CADPS: variants seen among roughly 807,000 people sequenced by gnomAD.
CADPS encodes calcium-dependent secretion activator 1.
In CADPS, 57 loss-of-function variants were observed where a neutral mutation model predicts 167.3. The observed-to-expected ratio is 0.34, with a 90% confidence interval of 0.28 to 0.42. The LOEUF (loss-of-function observed/expected upper bound fraction) is 0.42. CADPS is among the 20% of genes least tolerant of loss of function. The probability of loss-of-function intolerance (pLI) is 1.00; values close to 1 mark genes in which losing one functional copy is unlikely to be tolerated. For synonymous variants in CADPS, 676 were observed against 635.3 expected, an observed-to-expected ratio of 1.06 and a Z score of -0.96; for missense variants, 1,414 against 1,738.1, an observed-to-expected ratio of 0.81 and a Z score of 3.32.
At chr3:62,801,410 A>G (rs1323566439) in intron 1 of CADPS, among the ~76,000 whole-genome samples, 1 of 152,148 alleles carries the variant, frequency 6.6e-6, no homozygotes, top group Admixed American at 6.6e-5. Context: ...ATCATCTCCT[A>G]TGTTTCTCAG....
At position 62,721,118 on chromosome 3, in the gene CADPS, GTT is replaced by G. The variant is rs67868132; in HGVS notation, c.888+32321_888+32322del. Among the ~76,000 whole-genome samples, 188 of 120,364 alleles carry G rather than the reference GTT, an allele frequency of 1.6e-3. 1 individual carries two copies. Among genetic ancestry groups the G allele is most frequent in the South Asian group, 0.015 (50 of 3,420 alleles). The allele number at this position is 120,364 out of a possible 152,430, so 79.0% of individuals were successfully genotyped here. Reference sequence around the variant, plus strand: ...AGGTGTGAGCCACCGTGCCCGGCAGGTTTTTTTTTTTTTTTTAAAAAAAAAAA... The same window carrying G: ...AGGTGTGAGCCACCGTGCCCGGCAGGTTTTTTTTTTTTTTAAAAAAAAAAA... On this transcript the variant is annotated intron_variant, in intron 3 of 29. Coordinates refer to ENST00000383710, the MANE Select transcript of CADPS (RefSeq NM_003716.4).
At chr3:62,864,620 A>G (rs1403929326) in intron 1 of CADPS, among the ~76,000 whole-genome samples, 1 of 152,134 alleles carries the variant, frequency 6.6e-6, no homozygotes, top group Non-Finnish European at 1.5e-5. Flanking sequence ...CCGTGTGTGC[A>G]TATCTCTGGG....
At chr3:62,701,161 G>A (rs1167404517) in intron 3 of CADPS, among the ~76,000 whole-genome samples, 4 of 152,028 alleles carry the variant, frequency 2.6e-5, no homozygotes. Flanking sequence ...TTTGGGGGGA[G>A]GGACACAAAC....
intron 3 of CADPS, among the ~76,000 whole-genome samples, chr3:62,752,844 C>T (rs906536843): frequency 1.3e-5 from 2 of 152,232 alleles, no homozygotes; most frequent in African/African-American, 4.8e-5. Flanking sequence ...TAAGCTTAGG[C>T]AGGATATCAA....
At chr3:62,556,308 T>C (rs1164990395) in intron 10 of CADPS, among the ~76,000 whole-genome samples, 1 of 152,202 alleles carries the variant, frequency 6.6e-6, no homozygotes, top group African/African-American at 2.4e-5. Context: ...GCAAATAACA[T>C]ATGAAAGACC....
intron 3 of CADPS, among the ~76,000 whole-genome samples, chr3:62,714,690 T>C (rs2084069143): frequency 6.6e-6 from 1 of 152,092 alleles, no homozygotes; most frequent in African/African-American, 2.4e-5. Flanking sequence ...ATAAACAAAA[T>C]ATGATTGGGT....
intron 3 of CADPS, among the ~76,000 whole-genome samples, chr3:62,708,502 G>A (rs1442935606): frequency 6.6e-6 from 1 of 151,916 alleles, no homozygotes; most frequent in East Asian, 1.9e-4. Context: ...TGGGTAACTT[G>A]CCCAAGGTTA....
At chr3:62,627,313 T>C (rs143267605) in intron 6 of CADPS, among the ~76,000 whole-genome samples, 263 of 152,244 alleles carry the variant, frequency 1.7e-3, no homozygotes, top group Middle Eastern at 3.4e-3. Flanking sequence ...AATAAATCTC[T>C]CTTTTTAATT....
intron 7 of CADPS, among the ~76,000 whole-genome samples, chr3:62,590,235 C>T (rs528279120): frequency 1.2e-4 from 18 of 151,900 alleles, no homozygotes; most frequent in African/African-American, 2.9e-4. Context: ...CCTGGGTCTT[C>T]GGAGGCTCAT....
intron 1 of CADPS, among the ~76,000 whole-genome samples, chr3:62,812,036 T>C (rs2094416536): frequency 6.6e-6 from 1 of 152,118 alleles, no homozygotes; most frequent in Non-Finnish European, 1.5e-5. Context: ...TCAAATTACA[T>C]TAAAAAGATT....
At chr3:62,563,075 T>C (rs1378625302) in intron 9 of CADPS, among the ~76,000 whole-genome samples, 1 of 152,206 alleles carries the variant, frequency 6.6e-6, no homozygotes, top group Admixed American at 6.5e-5. Flanking sequence ...GATCTAGTCA[T>C]GACAGAAGAC....
intron 1 of CADPS, among the ~76,000 whole-genome samples, chr3:62,853,335 C>G (rs1224914830): frequency 2.0e-5 from 3 of 152,002 alleles, no homozygotes; most frequent in Non-Finnish European, 4.4e-5. Flanking sequence ...TTGTGAGAAA[C>G]CATCTAGGGC....
chr3:62,802,084 T>C (rs1324875933), intron 1 of CADPS, among the ~76,000 whole-genome samples: 1 of 152,106 alleles, frequency 6.6e-6, no homozygotes, highest in Non-Finnish European at 1.5e-5. Context: ...ACAGCAAAAG[T>C]CTGTTCTGTG....
intron 17 of CADPS, among the ~76,000 whole-genome samples, chr3:62,505,559 T>C (rs570252002): frequency 2.0e-5 from 3 of 152,312 alleles, no homozygotes; most frequent in African/African-American, 7.2e-5. Context: ...CAGTCCCTTT[T>C]CTCTTCTGCA....
chr3:62,456,092 A>C (rs1295339675), intron 26 of CADPS, among the ~76,000 whole-genome samples: 1 of 152,084 alleles, frequency 6.6e-6, no homozygotes, highest in East Asian at 1.9e-4. Flanking sequence ...GGGATGAGTT[A>C]AGAGGTCTGA....
At chr3:62,562,501 AAG>A (rs1475494419) in intron 9 of CADPS, among the ~76,000 whole-genome samples, 1 of 152,216 alleles carries the variant, frequency 6.6e-6, no homozygotes, top group Non-Finnish European at 1.5e-5. Flanking sequence ...ATAATTAAAA[AAG>A]AATTTATTTC....
At chr3:62,467,672 C>T (rs2060102461) in intron 24 of CADPS, among the ~76,000 whole-genome samples, 1 of 152,106 alleles carries the variant, frequency 6.6e-6, no homozygotes, top group Admixed American at 6.6e-5. Flanking sequence ...ATAATACTAT[C>T]ATCCTGGACC....
intron 3 of CADPS, among the ~76,000 whole-genome samples, chr3:62,749,165 A>C (rs2082154933): frequency 6.6e-6 from 1 of 152,248 alleles, no homozygotes; most frequent in African/African-American, 2.4e-5. Flanking sequence ...ACTAATTCTC[A>C]AACAAACAGA....
Position 62,399,254 on chromosome 3 carries a change from T to C in CADPS, c.*152A>G. On this transcript the variant is annotated 3_prime_UTR_variant, in exon 30 of 30. Coordinates refer to ENST00000383710, the MANE Select transcript of CADPS (RefSeq NM_003716.4). This position sits in a 1 kb window ranked among gnomAD's most constrained non-coding sequence, Gnocchi z 5.6. ...AGTGGATATGAAGGTCATTTGCTAATCTTGGTACCACATAGCTAAAATGGC... is the reference window on the plus strand; with the variant it reads ...AGTGGATATGAAGGTCATTTGCTAACCTTGGTACCACATAGCTAAAATGGC... 1 of 652,238 alleles carries C rather than the reference T, an allele frequency of 1.5e-6. No individual in the cohort carries two copies. Among genetic ancestry groups the C allele is most frequent in the East Asian group, 2.7e-5 (1 of 36,584 alleles). 40.4% of individuals were successfully genotyped at this position (652,238 alleles called of 1,614,324 possible).
Sources: gnomAD v4.1 joint callset for allele counts (sites outside exome capture counted in the v4.1 genomes callset) on GRCh38, gnomAD v4.1.1 for gene constraint, Gnocchi (gnomAD v3.1) non-coding constraint, MANE v1.5 for transcripts, NCBI Gene and HGNC (gene_info 2026-07-23, HGNC 2026-07-21) for gene names.